Variants in COMMD10 observed in about 807,000 individuals in gnomAD.
COMMD10 encodes COMM domain-containing protein 10.
COMMD10 carries 33 observed loss-of-function variants against 28.9 expected under a neutral mutation model. The ratio of observed to expected loss-of-function variants is 1.14; its 90% CI spans 0.87 to 1.53. The LOEUF (loss-of-function observed/expected upper bound fraction) is 1.53. Ranked by LOEUF, COMMD10 falls within the 40% of genes most tolerant of loss-of-function variation. The pLI, the probability that COMMD10 is intolerant of heterozygous loss-of-function variation, is 0.00. For missense variants in COMMD10, 310 were observed against 233.4 expected (o/e 1.33, Z -2.14); for synonymous variants, 110 against 81.7 (o/e 1.35, Z -1.87).
At chr5:116,214,415 C>T (rs1230396522) in intron 5 of COMMD10, among the ~76,000 whole-genome samples, 2 of 152,010 alleles carry the variant, frequency 1.3e-5, no homozygotes, top group Admixed American at 6.6e-5. Context: ...AAGAAAGAAG[C>T]ACATTGGTTA....
At chr5:116,211,573 C>T (rs1424420207) in intron 5 of COMMD10, among the ~76,000 whole-genome samples, 3 of 152,008 alleles carry the variant, frequency 2.0e-5, no homozygotes, top group Non-Finnish European at 2.9e-5. Context: ...TTATTCAGTG[C>T]ATGACTATAT....
intron 2 of COMMD10, among the ~76,000 whole-genome samples, chr5:116,090,450 G>C (rs549090733): frequency 6.6e-6 from 1 of 152,308 alleles, no homozygotes; most frequent in African/African-American, 2.4e-5. Flanking sequence ...ATAAACATTT[G>C]TGGCCTTTGC....
At chr5:116,115,231 C>A (rs2112742689) in intron 4 of COMMD10, among the ~76,000 whole-genome samples, 1 of 152,198 alleles carries the variant, frequency 6.6e-6, no homozygotes, top group Admixed American at 6.5e-5. Flanking sequence ...TTGGGAGGGT[C>A]AAGATACACT....
At chr5:116,258,395 C>T (rs924389043) in intron 5 of COMMD10, among the ~76,000 whole-genome samples, 1 of 151,462 alleles carries the variant, frequency 6.6e-6, no homozygotes, top group East Asian at 1.9e-4. Context: ...ATTTAGCTTC[C>T]TACTTTTTGG....
intron 4 of COMMD10, among the ~76,000 whole-genome samples, chr5:116,132,668 A>C (rs1249787575): frequency 2.0e-5 from 3 of 152,158 alleles, no homozygotes; most frequent in Non-Finnish European, 4.4e-5. Flanking sequence ...CATGTATGCC[A>C]GTGCTTTTTT....
At chr5:116,236,556 GAGACC>G (rs1749670272) in intron 5 of COMMD10, among the ~76,000 whole-genome samples, 1 of 150,590 alleles carries the variant, frequency 6.6e-6, no homozygotes, top group Admixed American at 6.6e-5. Flanking sequence ...AAAGGACATG[GAGACC>G]CCTTAAATAC....
intron 5 of COMMD10, among the ~76,000 whole-genome samples, chr5:116,278,726 A>G (rs1416227048): frequency 2.0e-5 from 3 of 151,904 alleles, no homozygotes; most frequent in Non-Finnish European, 1.5e-5. Context: ...TTAGCTAAAC[A>G]TGTATAAAAC....
At chr5:116,263,583 T>C (rs1750506153) in intron 5 of COMMD10, among the ~76,000 whole-genome samples, 1 of 151,600 alleles carries the variant, frequency 6.6e-6, no homozygotes, top group Non-Finnish European at 1.5e-5. Flanking sequence ...TACAGCCTGC[T>C]CTCTCTCTGA....
chr5:116,283,941 G>A (rs896875616), intron 5 of COMMD10, among the ~76,000 whole-genome samples: 1 of 151,684 alleles, frequency 6.6e-6, no homozygotes, highest in Non-Finnish European at 1.5e-5. Flanking sequence ...ACCAGCTTGG[G>A]CAATATAGTG....
At chr5:116,178,944 C>G (rs1489672255) in intron 5 of COMMD10, among the ~76,000 whole-genome samples, 1 of 151,882 alleles carries the variant, frequency 6.6e-6, no homozygotes, top group East Asian at 1.9e-4. Flanking sequence ...AATAATATAC[C>G]TGAACCAGAG....
At chr5:116,220,851 A>T (rs1459763511) in intron 5 of COMMD10, among the ~76,000 whole-genome samples, 1 of 152,140 alleles carries the variant, frequency 6.6e-6, no homozygotes, top group African/African-American at 2.4e-5. Flanking sequence ...CCCTCCCTAT[A>T]AACTTATAAA....
At chr5:116,229,055 C>T (rs1198299296) in intron 5 of COMMD10, among the ~76,000 whole-genome samples, 1 of 151,928 alleles carries the variant, frequency 6.6e-6, no homozygotes, top group African/African-American at 2.4e-5. Flanking sequence ...TAGAAAGATG[C>T]TGATTCGTCT....
intron 2 of COMMD10, among the ~76,000 whole-genome samples, chr5:116,090,003 C>A (rs2112708479): frequency 1.3e-5 from 2 of 152,292 alleles, no homozygotes; most frequent in African/African-American, 4.8e-5. Flanking sequence ...GAAACTGAGG[C>A]AGGCAGATTG....
At chr5:116,262,907 A>G (rs1023341862) in intron 5 of COMMD10, among the ~76,000 whole-genome samples, 1 of 151,840 alleles carries the variant, frequency 6.6e-6, no homozygotes, top group Non-Finnish European at 1.5e-5. Context: ...ACAGTATAAA[A>G]TTTGAAAACA....
At chr5:116,090,558 T>G (rs960429142) in intron 2 of COMMD10, among the ~76,000 whole-genome samples, 1 of 152,234 alleles carries the variant, frequency 6.6e-6, no homozygotes, top group African/African-American at 2.4e-5. Context: ...CCTGTTGAGA[T>G]AACAGTGCTG....
intron 4 of COMMD10, among the ~76,000 whole-genome samples, chr5:116,105,152 G>GT (rs373752197): frequency 1.1e-4 from 17 of 152,074 alleles, no homozygotes; most frequent in South Asian, 8.3e-4. Flanking sequence ...TTTATTGAGA[G>GT]TTTTTTTTAG....
intron 5 of COMMD10, among the ~76,000 whole-genome samples, chr5:116,247,351 A>G (rs1378522594): frequency 6.6e-6 from 1 of 152,024 alleles, no homozygotes; most frequent in Non-Finnish European, 1.5e-5. Flanking sequence ...AAAAGAGAAC[A>G]CTTATACACT....
chr5:116,151,840 T>A (rs182413876), intron 5 of COMMD10, among the ~76,000 whole-genome samples: 248 of 152,294 alleles, frequency 1.6e-3, no homozygotes, highest in African/African-American at 5.7e-3. Context: ...GAAGGGTTTT[T>A]TGTGTCTGTA....
At chr5:116,278,487 A>C (rs1387398434) in intron 5 of COMMD10, among the ~76,000 whole-genome samples, 1 of 151,886 alleles carries the variant, frequency 6.6e-6, no homozygotes, top group Admixed American at 6.6e-5. Context: ...TATAGTGATG[A>C]TATGACTGCC....
Sources: gnomAD v4.1 joint callset for allele counts (sites outside exome capture counted in the v4.1 genomes callset) on GRCh38, gnomAD v4.1.1 for gene constraint, MANE v1.5 for transcripts, NCBI Gene and HGNC (gene_info 2026-07-23, HGNC 2026-07-21) for gene names.